Variants in RGS7 observed in about 807,000 individuals in gnomAD.
RGS7 encodes regulator of G protein signaling 7, also known as regulator of G-protein signaling 7.
RGS7 carries 27 observed loss-of-function variants against 81.1 expected under a neutral mutation model. The observed-to-expected ratio is 0.33, with a 90% CI of 0.25 to 0.46. The LOEUF is 0.46. RGS7 is among the 20% of genes least tolerant of loss of function. RGS7 has a pLI of 1.00. For missense variants in RGS7, 396 were observed against 607.4 expected (o/e 0.65, Z 3.66); for synonymous variants, 208 against 207.7 (o/e 1.00, Z -0.01).
chr1:241,253,312 T>C (rs1267130937), intron 2 of RGS7, among the ~76,000 whole-genome samples: 2 of 152,200 alleles, frequency 1.3e-5, no homozygotes, highest in African/African-American at 4.8e-5. Context: ...CCAGTGGGGA[T>C]AGAAGACTGG....
chr1:241,147,902 T>A (rs36112097), intron 2 of RGS7, among the ~76,000 whole-genome samples: 27,853 of 145,336 alleles, frequency 0.19, 2,776 homozygotes, highest in African/African-American at 0.22. Flanking sequence ...TTAAGTCATT[T>A]TTTTCACTTA....
chr1:241,265,951 T>G (rs958362635), intron 2 of RGS7, among the ~76,000 whole-genome samples: 5 of 151,994 alleles, frequency 3.3e-5, no homozygotes, highest in African/African-American at 9.7e-5. Context: ...TATACCACCA[T>G]GCCCAGCTAA....
intron 6 of RGS7, among the ~76,000 whole-genome samples, chr1:240,902,018 C>T (rs955997393): frequency 9.9e-5 from 15 of 152,116 alleles, no homozygotes; most frequent in African/African-American, 2.2e-4. Context: ...ATAGAGCCAT[C>T]GAAATGTTTT....
At chr1:241,299,133 T>C (rs2079588308) in intron 2 of RGS7, among the ~76,000 whole-genome samples, 1 of 152,216 alleles carries the variant, frequency 6.6e-6, no homozygotes, top group Admixed American at 6.5e-5. Context: ...AGCTTAAATA[T>C]AGAATCAATC....
intron 9 of RGS7, among the ~76,000 whole-genome samples, chr1:240,867,557 G>A (rs577996502): frequency 6.6e-5 from 10 of 152,210 alleles, no homozygotes; most frequent in East Asian, 3.9e-4. Flanking sequence ...TCTGAGGCAC[G>A]TAGTTTAACA....
intron 4 of RGS7, among the ~76,000 whole-genome samples, chr1:240,980,031 A>G (rs6704024): frequency 0.8 from 122,380 of 152,106 alleles, 51,037 homozygotes; most frequent in East Asian, 1. Context: ...GACTAATTCC[A>G]TATATGTGTA....
At chr1:241,100,620 T>A (rs1191087111) in intron 2 of RGS7, among the ~76,000 whole-genome samples, 1 of 152,196 alleles carries the variant, frequency 6.6e-6, no homozygotes, top group Non-Finnish European at 1.5e-5. Context: ...AAATAACCTC[T>A]CTAAGACTCA....
intron 2 of RGS7, among the ~76,000 whole-genome samples, chr1:241,288,534 G>A (rs943093621): frequency 3.3e-5 from 5 of 152,054 alleles, no homozygotes; most frequent in African/African-American, 4.8e-5. Context: ...AGTACGGGGC[G>A]CTGTTACTAT....
At chr1:240,988,648 C>T (rs1686011875) in intron 3 of RGS7, among the ~76,000 whole-genome samples, 1 of 152,182 alleles carries the variant, frequency 6.6e-6, no homozygotes, top group Non-Finnish European at 1.5e-5. Flanking sequence ...GCCATTGTCA[C>T]ATCTGAGGGT....
At chr1:241,319,045 A>T (rs2148596281) in intron 2 of RGS7, among the ~76,000 whole-genome samples, 1 of 152,344 alleles carries the variant, frequency 6.6e-6, no homozygotes, top group Non-Finnish European at 1.5e-5. Context: ...CCAGATTGTT[A>T]AAATGATTAA....
rs1371319706 is a variant in RGS7, at chr1:241,144,965, TC to T, written c.79-46204del. 2.5e-3 allele frequency among the ~76,000 whole-genome samples: 309 copies of T among 124,964 alleles called. 1 individual carries two copies. The highest frequency in any genetic ancestry group is 0.012 in the African/African-American group (287 of 24,856). 82.0% of individuals were successfully genotyped at this position (124,964 alleles called of 152,430 possible). A position where few individuals can be genotyped will look rare whatever the true frequency, so the allele number is the denominator to read the frequency against. ...TGTGTGTGTGTGTGTGTGTGTGTGT[TC>T]GTGTTCATTCTTCCTGTTCCTGTTT... On this transcript the variant is annotated intron_variant, in intron 2 of 18. Transcript: ENST00000440928. The surrounding 1 kb of genome is among the most constrained non-coding windows in gnomAD (Gnocchi z 4.7).
intron 6 of RGS7, among the ~76,000 whole-genome samples, chr1:240,926,845 G>C (rs1400447650): frequency 1.3e-5 from 2 of 152,160 alleles, no homozygotes; most frequent in African/African-American, 2.4e-5. Flanking sequence ...AGTTTATAAA[G>C]ATATAGGCCT....
chr1:240,868,138 G>A lies in RGS7; in HGVS notation c.609+449C>T, dbSNP rs1254364214. Among the ~76,000 whole-genome samples, 1 of 122,248 alleles carries A rather than the reference G, an allele frequency of 8.2e-6. No individual in the cohort carries two copies. Among genetic ancestry groups the A allele is most frequent in the Admixed American group, 7.5e-5 (1 of 13,378 alleles). The allele number at this position is 122,248 out of a possible 152,430, so 80.2% of individuals were successfully genotyped here. Reference sequence around the variant, plus strand: ...AAAAGGAAAGAAAGAAAGAAAGAAAGAAAGAAAGAAAGAAAGAAAGGACGG... The same window carrying A: ...AAAAGGAAAGAAAGAAAGAAAGAAAAAAAGAAAGAAAGAAAGAAAGGACGG... On this transcript the variant is annotated intron_variant, in intron 9 of 18. Coordinates refer to ENST00000440928, the MANE Select transcript of RGS7 (RefSeq NM_001364886.1). This position sits in a 1 kb window ranked among gnomAD's most constrained non-coding sequence, Gnocchi z 5.1.
chr1:240,998,527 T>TGGAGCA, intron 3 of RGS7: 1 of 968,326 alleles, frequency 1.0e-6, no homozygotes, highest in Non-Finnish European at 1.6e-6. Flanking sequence ...TCTCCTCAGC[T>TGGAGCA]GGAGCAGCAG....
chr1:241,243,243 A>G (rs1391851588), intron 2 of RGS7, among the ~76,000 whole-genome samples: 1 of 152,232 alleles, frequency 6.6e-6, no homozygotes, highest in Non-Finnish European at 1.5e-5. Flanking sequence ...CTCTCCGTCC[A>G]GAGCCAAAAA....
intron 2 of RGS7, among the ~76,000 whole-genome samples, chr1:241,180,617 C>T (rs910889627): frequency 1.3e-5 from 2 of 152,126 alleles, no homozygotes; most frequent in Admixed American, 1.3e-4. Context: ...ACAGTGTTTC[C>T]AAACAGAGAA....
chr1:241,058,492 T>G (rs1186690384), intron 3 of RGS7, among the ~76,000 whole-genome samples: 1 of 152,196 alleles, frequency 6.6e-6, no homozygotes, highest in Admixed American at 6.5e-5. Flanking sequence ...TTCATTTGCT[T>G]TATTTGAATT....
At chr1:240,856,341 T>A (rs1167586231) in intron 9 of RGS7, among the ~76,000 whole-genome samples, 1 of 152,160 alleles carries the variant, frequency 6.6e-6, no homozygotes, top group African/African-American at 2.4e-5. Context: ...TACACCCCCG[T>A]TCTACTTATT....
Position 241,092,859 on chromosome 1 carries a change from T to C in RGS7, c.175+5807A>G, listed in dbSNP as rs572205332. On this transcript the variant is annotated intron_variant, in intron 3 of 18. Transcript: ENST00000440928. ...AACTTAAAAGAACAACAATAAAAGA[T>C]AGAAAAAAAAAACAATTAGAAGACA... 1.8e-3 allele frequency among the ~76,000 whole-genome samples: 217 copies of C among 117,568 alleles called. 1 individual carries two copies. Among genetic ancestry groups the C allele is most frequent in the African/African-American group, 8.2e-3 (203 of 24,726 alleles). 77.1% of individuals were successfully genotyped at this position (117,568 alleles called of 152,430 possible).
Sources: gnomAD v4.1 joint callset for allele counts (sites outside exome capture counted in the v4.1 genomes callset) on GRCh38, gnomAD v4.1.1 for gene constraint, Gnocchi (gnomAD v3.1) non-coding constraint, MANE v1.5 for transcripts, NCBI Gene and HGNC (gene_info 2026-07-23, HGNC 2026-07-21) for gene names.